SIGLEC15: variants seen among roughly 807,000 people sequenced by gnomAD.
The protein encoded by SIGLEC15 is sialic acid binding Ig like lectin 15.
Under a neutral mutation model 26.2 loss-of-function variants are expected in SIGLEC15, and 31 were observed. The observed-to-expected ratio is 1.18, with a 90% confidence interval of 0.89 to 1.60. The LOEUF (loss-of-function observed/expected upper bound fraction) is 1.60. Ranked by LOEUF, SIGLEC15 falls within the 40% of genes most tolerant of loss-of-function variation. The pLI, the probability that SIGLEC15 is intolerant of heterozygous loss-of-function variation, is 0.00. For synonymous variants in SIGLEC15, 207 were observed against 221.9 expected (o/e 0.93, Z 0.60); for missense variants, 501 against 488.4 (o/e 1.03, Z -0.24).
chr18:45,835,355 C>T (rs1489592260), intron 1 of SIGLEC15, among the ~76,000 whole-genome samples: 1 of 152,172 alleles, frequency 6.6e-6, no homozygotes, highest in Non-Finnish European at 1.5e-5. Context: ...TGGTAATTAG[C>T]TATTTAAGGT....
chr18:45,833,605 G>A (rs1391943590), intron 1 of SIGLEC15, among the ~76,000 whole-genome samples: 3 of 152,116 alleles, frequency 2.0e-5, no homozygotes, highest in Non-Finnish European at 4.4e-5. Context: ...GAGCCACCAC[G>A]CCCGGCCTCT....
intron 1 of SIGLEC15, among the ~76,000 whole-genome samples, chr18:45,831,838 A>G (rs2048238019): frequency 6.6e-6 from 1 of 151,880 alleles, no homozygotes; most frequent in African/African-American, 2.4e-5. Context: ...CCCGGGTTCA[A>G]GCGGTTCTCC....
At position 45,842,875 on chromosome 18, in the gene SIGLEC15, A is replaced by T. The variant is rs1175457808; in HGVS notation, c.*688A>T. On this transcript the variant is annotated 3_prime_UTR_variant, in exon 6 of 6. Coordinates refer to ENST00000389474, the MANE Select transcript of SIGLEC15 (RefSeq NM_213602.3). Reference sequence around the variant, plus strand: ...CGGAGAACACAGAGTTCCAGAGAGCAAGCCTGGGGCAGGGGCTGTGCAAAC... The same window carrying T: ...CGGAGAACACAGAGTTCCAGAGAGCTAGCCTGGGGCAGGGGCTGTGCAAAC... The T allele has an allele frequency of 6.6e-6, 1 of 152,530 alleles. No individual in the cohort carries two copies. Among genetic ancestry groups the T allele is most frequent in the East Asian group, 1.9e-4 (1 of 5,194 alleles). 9.4% of individuals were successfully genotyped at this position (152,530 alleles called of 1,614,324 possible).
rs778106023 is a variant in SIGLEC15 at position 45,842,222 on chromosome 18, T to C, written c.*35T>C. 4.3e-6 allele frequency: 7 copies of C among 1,610,786 alleles called. 1 individual carries two copies. In the South Asian group the frequency reaches 6.6e-5, roughly 15 times the overall value. On this transcript the variant is annotated 3_prime_UTR_variant, in exon 6 of 6. Transcript: ENST00000389474. ...CAGCCACCAACATCCATTTCAGCAC[T>C]GTAAAGAACAAAGGCCAGTGCGAGG...
intron 1 of SIGLEC15, among the ~76,000 whole-genome samples, chr18:45,826,038 GC>G (rs757058717): frequency 6.6e-6 from 1 of 152,182 alleles, no homozygotes; most frequent in Non-Finnish European, 1.5e-5. Context: ...AAGGCTACTT[GC>G]CCCACCCATT....
chr18:45,829,262 C>A, intron 1 of SIGLEC15: 1 of 593,738 alleles, frequency 1.7e-6, no homozygotes, highest in Non-Finnish European at 2.1e-6. Context: ...AACCCTGAAG[C>A]AGATAGAGAC....
At chr18:45,831,357 G>A (rs1315516796) in intron 1 of SIGLEC15, among the ~76,000 whole-genome samples, 1 of 152,200 alleles carries the variant, frequency 6.6e-6, no homozygotes, top group African/African-American at 2.4e-5. Flanking sequence ...CTCATTGAAT[G>A]TCAACTCTCA....
In SIGLEC15 at chr18:45,838,726, C is replaced by T. The variant is rs772977716; in HGVS notation, c.505C>T (p.Arg169Trp). The T allele has an allele frequency of 2.4e-5, 38 of 1,576,518 alleles. 1 individual carries two copies. The South Asian group carries it at 3.5e-4, about 15-fold the overall frequency. The change falls in exon 4 of 6, where the codon CGG (arginine) becomes TGG (tryptophan). Residue 169 changes from arginine to tryptophan, a missense_variant. Arg to Trp is a moderately radical substitution (Grantham distance 101, BLOSUM62 -3). Coordinates refer to ENST00000389474, the MANE Select transcript of SIGLEC15 (RefSeq NM_213602.3). ...GVRLHVTAAP[R>W]IVNISVLPSP... Reference sequence around the variant, plus strand: ...CGCCTTCTCCCCTGCAGCCGCGCCGCGGATCGTCAACATCTCGGTGCTGCC... The same window carrying T: ...CGCCTTCTCCCCTGCAGCCGCGCCGTGGATCGTCAACATCTCGGTGCTGCC...
chr18:45,835,598 T>C (rs757577489), intron 1 of SIGLEC15, among the ~76,000 whole-genome samples: 96 of 152,256 alleles, frequency 6.3e-4, no homozygotes, highest in Admixed American at 1.4e-3. Context: ...AAGGGTGTGA[T>C]ACTGTACTTC....
rs1182591814 is a variant in SIGLEC15 at position 45,837,742 on chromosome 18, C to A, written c.342C>A (p.Phe114Leu). The A allele has an allele frequency of 6.6e-7, 1 of 1,511,578 alleles. No individual in the cohort carries two copies. Among genetic ancestry groups the A allele is most frequent in the East Asian group, 2.7e-5 (1 of 36,728 alleles). The allele number at this position is 1,511,578 out of a possible 1,614,324, so 93.6% of individuals were successfully genotyped here. The stretch of plus-strand genomic sequence containing the variant: ...CGGCGCTGAGCCTGCACGGCCGCTT[C>A]CGGCTGCTGGGCAACCCGCGCCGCA... ...CQTALSLHGR[F>L]RLLGNPRRND... Residue 114 changes from phenylalanine (F) to leucine (L), a missense_variant, in exon 3 of 6, where the codon TTC (phenylalanine) becomes TTA (leucine). Coordinates refer to ENST00000389474, the MANE Select transcript of SIGLEC15 (RefSeq NM_213602.3).
intron 3 of SIGLEC15, 132 bp downstream of exon 3, chr18:45,838,028 C>G: frequency 8.5e-7 from 1 of 1,174,492 alleles, no homozygotes; most frequent in Non-Finnish European, 1.1e-6. Context: ...CTCCTCTACC[C>G]CAGGGATCTC....
Position 45,841,594 on chromosome 18 carries a change from G to A in SIGLEC15, c.906-512G>A, listed in dbSNP as rs565230686. Among the ~76,000 whole-genome samples, 4 of 152,246 alleles carry A rather than the reference G, an allele frequency of 2.6e-5. No homozygotes were observed. The East Asian group carries it at 5.8e-4, about 22-fold the overall frequency. On this transcript the variant is annotated intron_variant, in intron 5 of 5. Coordinates refer to ENST00000389474, the MANE Select transcript of SIGLEC15 (RefSeq NM_213602.3). Reference sequence around the variant, plus strand: ...GGTGGCGGTGGGGAAGTGGGTAGACGGGAGGCAGGGCTTGCCCAAGAGCCC... The same window carrying A: ...GGTGGCGGTGGGGAAGTGGGTAGACAGGAGGCAGGGCTTGCCCAAGAGCCC...
chr18:45,840,390 C>G (rs1471622316), intron 5 of SIGLEC15, 149 bp downstream of exon 5: 2 of 861,080 alleles, frequency 2.3e-6, no homozygotes, highest in Admixed American at 5.8e-5. Context: ...TGCAGCCCAC[C>G]AAGGCACCCC....
Position 45,842,259 on chromosome 18 carries a change from C to A in SIGLEC15, c.*72C>A. 6.4e-7 allele frequency: 1 copy of A among 1,554,946 alleles called. No homozygotes were observed. Among genetic ancestry groups the A allele is most frequent in the Non-Finnish European group, 8.9e-7 (1 of 1,127,222 alleles). On this transcript the variant is annotated 3_prime_UTR_variant, in exon 6 of 6. Transcript: ENST00000389474. ...AGGCCAGTGCGAGGCTTGGCTGGCA[C>A]AGCCAGTCCTGGTTCTCGGGCACCT... is the stretch of plus-strand genomic sequence containing the variant.
In SIGLEC15 at chr18:45,842,240, G is replaced by C. The variant is rs34557967; in HGVS notation, c.*53G>C. ...TCAGCACTGTAAAGAACAAAGGCCA[G>C]TGCGAGGCTTGGCTGGCACAGCCAG... On this transcript the variant is annotated 3_prime_UTR_variant, in exon 6 of 6. Transcript: ENST00000389474. 2.5e-6 allele frequency: 4 copies of C among 1,596,758 alleles called. No homozygotes were observed. Among genetic ancestry groups the C allele is most frequent in the Non-Finnish European group, 2.6e-6 (3 of 1,164,292 alleles).
rs61267857 is a variant in SIGLEC15, at chr18:45,842,442, T to TGAGAGA, written c.*269_*274dup. The TGAGAGA allele has an allele frequency of 4.8e-4, 165 of 344,930 alleles. No homozygotes were observed. The highest frequency in any genetic ancestry group is 2.2e-3 in the South Asian group (44 of 20,352). The allele number at this position is 344,930 out of a possible 1,614,324, so 21.4% of individuals were successfully genotyped here. On this transcript the variant is annotated 3_prime_UTR_variant, in exon 6 of 6. Transcript: ENST00000389474. ...ATACGTCTGTGTGTGTGTGTGTGTG[T>TGAGAGA]GAGAGAGAGAGAGAGAGAGTACACG...
intron 5 of SIGLEC15, among the ~76,000 whole-genome samples, chr18:45,841,821 G>A (rs558789316): frequency 6.8e-4 from 104 of 152,326 alleles, no homozygotes; most frequent in African/African-American, 2.4e-3. Context: ...GGGACCAGGA[G>A]GCCAGGCCGG....
chr18:45,831,225 C>A (rs477397), intron 1 of SIGLEC15, among the ~76,000 whole-genome samples: 82,045 of 152,028 alleles, frequency 0.54, 22,352 homozygotes, highest in East Asian at 0.59. Context: ...CGCCTGCTGC[C>A]GTGTTGTGAT....
At chr18:45,840,182 T>C in intron 4 of SIGLEC15, 29 bp from the exon 5 acceptor site, 2 of 1,612,722 alleles carry the variant, frequency 1.2e-6, no homozygotes, top group East Asian at 2.2e-5. Context: ...TGGAGATTCA[T>C]GCCTGCTCTC....
Sources: allele counts gnomAD v4.1 joint callset (sites outside exome capture counted in the v4.1 genomes callset), GRCh38; gene constraint gnomAD v4.1.1; transcripts MANE v1.5; gene names NCBI Gene and HGNC (gene_info 2026-07-23, HGNC 2026-07-21).